The following FBN3 variants were observed in gnomAD, a reference collection of about 807,000 sequenced individuals.
FBN3 encodes the protein fibrillin 3, also known as fibrillin-3.
FBN3 carries 234 observed loss-of-function variants against 330.1 expected under a neutral mutation model. That is an observed-to-expected ratio of 0.71 (90% CI 0.64 to 0.79). The LOEUF (loss-of-function observed/expected upper bound fraction) is 0.79, where lower values mean the gene tolerates loss of function less well. FBN3 is among the 30% of genes least tolerant of loss of function. FBN3 has a pLI of 0.00. For missense variants in FBN3, 3,606 were observed against 3,886.9 expected, an observed-to-expected ratio of 0.93 and a Z score of 1.92; for synonymous variants, 1,458 against 1,517.3, an observed-to-expected ratio of 0.96 and a Z score of 0.91.
intron 13 of FBN3, 25 bp downstream of exon 13, chr19:8,135,936 G>GGGGGGGGGGGGGCGCCCCCCCCCC: frequency 7.5e-6 from 5 of 668,772 alleles, no homozygotes; most frequent in Non-Finnish European, 1.2e-5. Flanking sequence ...GGAAGCCCCT[G>GGGGGGGGGGGGGCGCCCCCCCCCC]CCCACCCGCC....
intron 6 of FBN3, 144 bp from the exon 7 acceptor site, chr19:8,142,281 C>T (rs1395669098): frequency 5.9e-6 from 4 of 680,096 alleles, no homozygotes; most frequent in South Asian, 3.9e-5. Context: ...AATATCTTTC[C>T]TCCCCTTTCC....
intron 1 of FBN3, chr19:8,147,775 G>T (rs72993532): frequency 0.14 from 46,582 of 329,458 alleles, 3,472 homozygotes; most frequent in East Asian, 0.18. Context: ...GCCAGGTGGG[G>T]CCAGGTGGGG....
In FBN3 at chr19:8,093,419, C is replaced by T. The variant is rs903986625; in HGVS notation, c.5905+1027G>A. Among the ~76,000 whole-genome samples, 16 of 152,070 alleles carry T rather than the reference C, an allele frequency of 1.1e-4. No individual in the cohort carries two copies. In the South Asian group the frequency reaches 1.5e-3, roughly 14 times the overall value. ...CGGGCAGATCACGAGGTCAGGAGAT[C>T]GAGAGCATCCTGGCTAACATGGTGA... On this transcript the variant is annotated intron_variant, in intron 47 of 63. Transcript: ENST00000600128.
chr19:8,144,768 G>GCT, intron 6 of FBN3, 109 bp downstream of exon 6: 1 of 793,338 alleles, frequency 1.3e-6, no homozygotes, highest in Non-Finnish European at 2.0e-6. Flanking sequence ...ATGCGGGAAG[G>GCT]AGGCCAGCTG....
chr19:8,147,507 G>A lies in FBN3; in HGVS notation c.-17-10C>T, dbSNP rs1175101020. On this transcript the variant is annotated splice_polypyrimidine_tract_variant and intron_variant, in intron 1 of 63. Transcript: ENST00000600128. The stretch of plus-strand genomic sequence containing the variant: ...GCGTGTCCCCTGGAGGCTGCGGAGA[G>A]GAAGCAGAGTCAGCCCTAGATGAGC... 1.4e-6 allele frequency: 2 copies of A among 1,439,134 alleles called. No homozygotes were observed. Among genetic ancestry groups the A allele is most frequent in the South Asian group, 1.5e-5 (1 of 65,348 alleles). The allele number at this position is 1,439,134 out of a possible 1,614,324, so 89.1% of individuals were successfully genotyped here. A position where few individuals can be genotyped will look rare whatever the true frequency, so the allele number is the denominator to read the frequency against.
rs138268398 is a variant in FBN3 at position 8,118,265 on chromosome 19, TAC to T, written c.3337+630_3337+631del. On this transcript the variant is annotated intron_variant, in intron 26 of 63. Transcript: ENST00000600128. ...CATCCAACTACACATCACATTCTCT[TAC>T]ACACACACACACAGACTTACGTACA... is the stretch of plus-strand genomic sequence containing the variant. Among the ~76,000 whole-genome samples the T allele has an allele frequency of 3.5e-3, 536 of 151,162 alleles. 3 individuals carry two copies. The highest frequency in any genetic ancestry group is 0.012 in the South Asian group (56 of 4,780).
chr19:8,088,400 GAGTGAATGAGCAAGA>G (rs1259883716), intron 51 of FBN3, among the ~76,000 whole-genome samples: 6 of 117,654 alleles, frequency 5.1e-5, no homozygotes, highest in African/African-American at 2.1e-4. Context: ...GCAAGGGAGT[GAGTGAATGAGCAAGA>G]AGTGAATGAA....
Position 8,073,284 on chromosome 19 carries a change from A to C in FBN3, c.7716T>G (p.Cys2572Trp). The C allele has an allele frequency of 2.5e-6, 4 of 1,613,432 alleles. No individual in the cohort carries two copies. The highest frequency in any genetic ancestry group is 3.4e-6 in the Non-Finnish European group (4 of 1,179,584). The change falls in exon 62 of 64, where the codon TGT (cysteine) becomes TGG (tryptophan). Residue 2572 changes from cysteine to tryptophan, a missense_variant. Transcript: ENST00000600128. ...TCCCGCAGGTGGGGGGCGACAGGGC[A>C]CACTCATTCTCATCTGTGGGAGGAA... ...QWAQCVDENE[C>W]ALSPPTCGSA... is the part of the protein sequence containing the mutation.
chr19:8,110,942 G>C lies in FBN3; in HGVS notation c.4236C>G (p.Asn1412Lys), dbSNP rs756511524. 6.2e-7 allele frequency: 1 copy of C among 1,614,244 alleles called. No individual in the cohort carries two copies. Among genetic ancestry groups the C allele is most frequent in the Non-Finnish European group, 8.5e-7 (1 of 1,180,042 alleles). The change falls in exon 34 of 64, where the codon AAC becomes AAG. Residue 1412 changes from asparagine (N) to lysine (K), a missense_variant. By Grantham distance (94) the Asn-to-Lys change is moderately conservative. Coordinates refer to ENST00000600128, the MANE Select transcript of FBN3 (RefSeq NM_032447.5). Reference protein sequence around the residue: ...CQDVDECAQGNLCAFGSCENL... With the variant: ...CQDVDECAQGKLCAFGSCENL... ...TCTCACAGCTCCCAAATGCACAGAG[G>C]TTCCCTTGCGCACACTCGTCCACAT...
chr19:8,080,979 C>T lies in FBN3; in HGVS notation c.7453+24G>A, dbSNP rs113696393. ...AATGCTGGGGTCATGGGTCACCTCC[C>T]GGTGAGGGGCAAGGGTCACTCACCG... On this transcript the variant is annotated intron_variant, in intron 59 of 63. Coordinates refer to ENST00000600128, the MANE Select transcript of FBN3 (RefSeq NM_032447.5). 2.6e-4 allele frequency: 394 copies of T among 1,524,120 alleles called. 1 individual carries two copies. The African/African-American group carries it at 4.7e-3, about 18-fold the overall frequency. 94.4% of individuals were successfully genotyped at this position (1,524,120 alleles called of 1,614,324 possible). A position where few individuals can be genotyped will look rare whatever the true frequency, so the allele number is the denominator to read the frequency against.
chr19:8,103,923 G>A (rs1368189295), intron 38 of FBN3, among the ~76,000 whole-genome samples: 1 of 151,884 alleles, frequency 6.6e-6, no homozygotes, highest in African/African-American at 2.4e-5. Context: ...GATCATTTGA[G>A]CCCGGAGTTC....
At position 8,096,057 on chromosome 19, in the gene FBN3, G is replaced by A. The variant is rs777788511; in HGVS notation, c.5563C>T (p.Pro1855Ser). ...TTCTTGCAGGTCCCATTTCCACAAG[G>A]CTGCCGGTCACACTCGTCAATGTCT... Reference protein sequence around the residue: ...CMDIDECDRQPCGNGTCKNII... With the variant: ...CMDIDECDRQSCGNGTCKNII... Residue 1855 changes from proline (P) to serine (S), a missense_variant, in exon 45 of 64, where the codon CCT becomes TCT. Transcript: ENST00000600128. This position sits in a 1 kb window ranked among gnomAD's most constrained non-coding sequence, Gnocchi z 4.6. 1 of 1,613,870 alleles carries A rather than the reference G, an allele frequency of 6.2e-7. No individual in the cohort carries two copies. Among genetic ancestry groups the A allele is most frequent in the Admixed American group, 1.7e-5 (1 of 60,012 alleles).
intron 55 of FBN3, 63 bp from the exon 56 acceptor site, chr19:8,085,632 A>G: frequency 7.5e-7 from 1 of 1,334,446 alleles, no homozygotes; most frequent in East Asian, 2.7e-5. Flanking sequence ...GCAAAGACTG[A>G]GCTTGCTTTG....
rs535734328 is a variant in FBN3, at chr19:8,076,092, G to A, written c.7454-681C>T. Among the ~76,000 whole-genome samples, 174 of 152,172 alleles carry A rather than the reference G, an allele frequency of 1.1e-3. 1 individual carries two copies. The highest frequency in any genetic ancestry group is 3.9e-3 in the African/African-American group (163 of 41,502). On this transcript the variant is annotated intron_variant, in intron 59 of 63. Transcript: ENST00000600128. ...GCTTGCTCTGTCTCTGCCAAGTGAG[G>A]ACACAGCAAAAAGGTGGCTGTCTGC...
chr19:8,115,569 C>T lies in FBN3; in HGVS notation c.3784G>A (p.Val1262Ile), dbSNP rs1282232471. The stretch of plus-strand genomic sequence containing the variant: ...ATGTAGCCCAGCTGACAGTGGCAGA[C>T]AAAGGAACCCTTCGTGTTCTCGCAG... ...GDCENTKGSF[V>I]CHCQLGYMVR... Residue 1262 changes from valine (V) to isoleucine (I), a missense_variant, in exon 30 of 64, where the codon GTC (valine) becomes ATC (isoleucine). Val to Ile is a conservative substitution (Grantham distance 29). Coordinates refer to ENST00000600128, the MANE Select transcript of FBN3 (RefSeq NM_032447.5). 6.2e-7 allele frequency: 1 copy of T among 1,613,986 alleles called. No individual in the cohort carries two copies. Among genetic ancestry groups the T allele is most frequent in the Admixed American group, 1.7e-5 (1 of 59,996 alleles).
intron 1 of FBN3, chr19:8,147,785 G>A: frequency 3.2e-6 from 1 of 316,940 alleles, no homozygotes; most frequent in African/African-American, 2.1e-5. Flanking sequence ...GCCAGGTGGG[G>A]CCAGGCGTTG....
chr19:8,097,757 G>T (rs963819082), intron 41 of FBN3, among the ~76,000 whole-genome samples: 4 of 152,242 alleles, frequency 2.6e-5, no homozygotes, highest in Non-Finnish European at 5.9e-5. Context: ...ATCAACTGAT[G>T]AATGCAGAGC....
At chr19:8,088,221 C>A (rs2144677009) in intron 51 of FBN3, 42 bp from the exon 52 acceptor site, 1 of 1,547,492 alleles carries the variant, frequency 6.5e-7, no homozygotes, top group South Asian at 1.2e-5. Flanking sequence ...GCAGAGGGTC[C>A]CCCATCCTCA....
At position 8,090,322 on chromosome 19, in the gene FBN3, G is replaced by A. The variant is rs187811743; in HGVS notation, c.6032-71C>T. On this transcript the variant is annotated intron_variant, in intron 48 of 63. Transcript: ENST00000600128. ...TGCCCACCTGCCCCTGTGACCTCCC[G>A]CACCCCAGTCCTGGTGAATGGGTTG... The A allele has an allele frequency of 3.5e-4, 539 of 1,556,504 alleles. 1 individual carries two copies. Among genetic ancestry groups the A allele is most frequent in the Non-Finnish European group, 2.7e-4 (303 of 1,140,130 alleles).
Sources: allele counts gnomAD v4.1 joint callset (sites outside exome capture counted in the v4.1 genomes callset), GRCh38; gene constraint gnomAD v4.1.1; non-coding constraint Gnocchi (gnomAD v3.1); transcripts MANE v1.5; gene names NCBI Gene and HGNC (gene_info 2026-07-23, HGNC 2026-07-21).